The following BIN3 variants were observed in gnomAD, a reference collection of about 807,000 sequenced individuals.
BIN3 encodes the protein bridging integrator 3.
In BIN3, 41 loss-of-function variants were observed where a neutral mutation model predicts 38.2. That is an observed-to-expected ratio of 1.07 (90% confidence interval 0.84 to 1.39). The LOEUF (loss-of-function observed/expected upper bound fraction) is 1.39. BIN3 is among the 40% of genes most tolerant of loss of function. The pLI is 0.00. For missense variants in BIN3, 361 were observed against 324.3 expected (o/e 1.11, Z -0.87); for synonymous variants, 145 against 122.6 (o/e 1.18, Z -1.21).
rs138177615 is a variant in BIN3, at chr8:22,636,507, G to T, written c.160+18C>A. On this transcript the variant is annotated intron_variant, in intron 4 of 8. Coordinates refer to ENST00000276416, the MANE Select transcript of BIN3 (RefSeq NM_018688.6). ...CCCCACCTGCTCAAGCGAGTGGTGC[G>T]GGTGGAAAGTCACCTACCCAGGTCT... 5 of 1,551,424 alleles carry T rather than the reference G, an allele frequency of 3.2e-6. No individual in the cohort carries two copies. In the African/African-American group the frequency reaches 5.5e-5, roughly 17 times the overall value.
At chr8:22,638,151 A>T (rs905117019) in intron 2 of BIN3, among the ~76,000 whole-genome samples, 1 of 152,238 alleles carries the variant, frequency 6.6e-6, no homozygotes, top group Non-Finnish European at 1.5e-5. Context: ...GTCAGGGAGT[A>T]CACATCTGCA....
chr8:22,628,488 A>T (rs556057593), intron 6 of BIN3, among the ~76,000 whole-genome samples: 1 of 152,314 alleles, frequency 6.6e-6, no homozygotes, highest in African/African-American at 2.4e-5. Context: ...GGGCTCATGC[A>T]GAGGTCAGCG....
At chr8:22,649,836 C>T (rs1013028308) in intron 1 of BIN3, among the ~76,000 whole-genome samples, 3 of 127,528 alleles carry the variant, frequency 2.4e-5, no homozygotes, top group South Asian at 5.5e-4. Context: ...CACACACACA[C>T]ACACACACAC....
chr8:22,629,913 G>A, intron 6 of BIN3, 51 bp downstream of exon 6: 2 of 1,527,214 alleles, frequency 1.3e-6, no homozygotes, highest in Non-Finnish European at 1.8e-6. Context: ...AGTGGCTGCT[G>A]ACCTGCCTCT....
chr8:22,645,608 AGGATGGCAGGAAAGGGAAGACACCC>A (rs1186883529), intron 1 of BIN3, among the ~76,000 whole-genome samples: 71 of 138,466 alleles, frequency 5.1e-4, no homozygotes, highest in African/African-American at 2.3e-3. Context: ...GACACCCGCG[AGGATGGCAGGAAAGGGAAGACACCC>A]TGTGAATGAC....
At chr8:22,638,208 C>A (rs567881868) in intron 2 of BIN3, among the ~76,000 whole-genome samples, 53 of 152,260 alleles carry the variant, frequency 3.5e-4, no homozygotes, top group Non-Finnish European at 6.3e-4. Context: ...TCCAGCAACG[C>A]TGACCTGATG....
chr8:22,637,110 G>GTTT (rs1802393048), intron 2 of BIN3, 148 bp from the exon 3 acceptor site: 1 of 712,802 alleles, frequency 1.4e-6, no homozygotes. Flanking sequence ...GATCGCTCCT[G>GTTT]ACACGGTATT....
chr8:22,664,838 A>G (rs1803361259), intron 1 of BIN3, among the ~76,000 whole-genome samples: 1 of 152,234 alleles, frequency 6.6e-6, no homozygotes, highest in African/African-American at 2.4e-5. Context: ...GAAGCACTCT[A>G]CACATGTGAG....
intron 1 of BIN3, among the ~76,000 whole-genome samples, chr8:22,655,283 G>A (rs1803019589): frequency 6.7e-6 from 1 of 150,354 alleles, no homozygotes; most frequent in South Asian, 2.1e-4. Context: ...AAATTTTGAT[G>A]AAGTCCAATT....
intron 8 of BIN3, among the ~76,000 whole-genome samples, chr8:22,622,236 A>G (rs1801848496): frequency 6.6e-6 from 1 of 152,224 alleles, no homozygotes; most frequent in Admixed American, 6.5e-5. Context: ...TTCCACAGAC[A>G]ATAGGGGCCA....
intron 2 of BIN3, 190 bp downstream of exon 2, chr8:22,644,565 G>C (rs1013043309): frequency 1.7e-6 from 1 of 577,894 alleles, no homozygotes; most frequent in Non-Finnish European, 3.1e-6. Context: ...CTTTCCTAGG[G>C]GAAGTGTCCC....
chr8:22,644,690 G>C (rs1372210190), intron 2 of BIN3, 65 bp downstream of exon 2: 2 of 1,482,918 alleles, frequency 1.3e-6, no homozygotes. Context: ...TCAAAGCTTT[G>C]ATTCTTATGC....
chr8:22,623,850 G>T (rs1428188636), intron 8 of BIN3, 65 bp downstream of exon 8: 26 of 1,556,222 alleles, frequency 1.7e-5, no homozygotes, highest in Non-Finnish European at 2.2e-5. Flanking sequence ...CTTCCAGTGT[G>T]GGTGACAGGG....
chr8:22,652,243 T>C (rs2117577508), intron 1 of BIN3, among the ~76,000 whole-genome samples: 1 of 152,322 alleles, frequency 6.6e-6, no homozygotes, highest in Admixed American at 6.5e-5. Flanking sequence ...GTGGTAATTC[T>C]TGGTTGCCTA....
chr8:22,632,114 ATTG>A (rs1351350644), intron 4 of BIN3, among the ~76,000 whole-genome samples: 2 of 152,204 alleles, frequency 1.3e-5, no homozygotes, highest in East Asian at 3.8e-4. Flanking sequence ...GGGAGAAAAA[ATTG>A]TTGTCAATCA....
chr8:22,621,127 A>G lies in BIN3; in HGVS notation c.*295T>C. On this transcript the variant is annotated 3_prime_UTR_variant, in exon 9 of 9. Transcript: ENST00000276416. ...TAGCCAACGAAGCCCATGGCCTCAG[A>G]AGGGCTGCAGCTTGCTCAGGCCGTG... 5.7e-6 allele frequency: 2 copies of G among 352,986 alleles called. No individual in the cohort carries two copies. Among genetic ancestry groups the G allele is most frequent in the Non-Finnish European group, 1.0e-5 (2 of 192,552 alleles). 21.9% of individuals were successfully genotyped at this position (352,986 alleles called of 1,614,324 possible). A position where few individuals can be genotyped will look rare whatever the true frequency, so the allele number is the denominator to read the frequency against.
At chr8:22,635,843 G>A (rs1420018684) in intron 4 of BIN3, among the ~76,000 whole-genome samples, 3 of 152,258 alleles carry the variant, frequency 2.0e-5, no homozygotes, top group South Asian at 2.1e-4. Context: ...CCGGCTGCTC[G>A]TCGCCTCCTT....
intron 1 of BIN3, among the ~76,000 whole-genome samples, chr8:22,662,196 C>G (rs1366716146): frequency 2.0e-5 from 3 of 152,202 alleles, no homozygotes; most frequent in African/African-American, 7.2e-5. Context: ...GGCATGTGTC[C>G]CCTGCTGCAT....
At chr8:22,638,221 A>G (rs1489068104) in intron 2 of BIN3, among the ~76,000 whole-genome samples, 2 of 152,246 alleles carry the variant, frequency 1.3e-5, no homozygotes, top group Non-Finnish European at 2.9e-5. Flanking sequence ...ACCTGATGAG[A>G]GAATTCTAAG....
Sources: allele counts gnomAD v4.1 joint callset (sites outside exome capture counted in the v4.1 genomes callset), GRCh38; gene constraint gnomAD v4.1.1; transcripts MANE v1.5; gene names NCBI Gene and HGNC (gene_info 2026-07-23, HGNC 2026-07-21).